The following CEP76 variants were observed in gnomAD, a reference collection of about 807,000 sequenced individuals.
The protein encoded by CEP76 is centrosomal protein of 76 kDa.
A neutral mutation model predicts 83.3 loss-of-function variants in CEP76; 55 were observed. The observed-to-expected ratio is 0.66, with a 90% CI of 0.53 to 0.83. The LOEUF (loss-of-function observed/expected upper bound fraction) is 0.83. Ranked by LOEUF, CEP76 falls within the 40% of genes least tolerant of loss-of-function variation. The pLI, the probability that CEP76 is intolerant of heterozygous loss-of-function variation, is 0.00. For missense variants in CEP76, 694 were observed against 799.5 expected (o/e 0.87, Z 1.59); for synonymous variants, 270 against 274.5 (o/e 0.98, Z 0.16).
At chr18:12,671,401 T>C (rs925302692), downstream of CEP76, among the ~76,000 whole-genome samples, 1 of 151,862 alleles carries the variant, frequency 6.6e-6, no homozygotes, top group Non-Finnish European at 1.5e-5. Context: ...AGCAACTAAA[T>C]TAAGAACTAC....
At chr18:12,697,547 G>A in intron 4 of CEP76, 139 bp from the exon 5 acceptor site, 2 of 609,180 alleles carry the variant, frequency 3.3e-6, no homozygotes, top group South Asian at 2.8e-5. Flanking sequence ...CAGAAAGCAT[G>A]CAAAAAACTG....
At chr18:12,666,748 C>T (rs1368363436) in intron 12 of CEP76, among the ~76,000 whole-genome samples, 3 of 134,928 alleles carry the variant, frequency 2.2e-5, no homozygotes, top group African/African-American at 8.4e-5. Flanking sequence ...CACACCCGGC[C>T]AAAAAAAAAA....
At chr18:12,696,933 A>G (rs887891958) in intron 5 of CEP76, among the ~76,000 whole-genome samples, 3 of 147,916 alleles carry the variant, frequency 2.0e-5, no homozygotes, top group Non-Finnish European at 2.9e-5. Flanking sequence ...TTATAGCCTT[A>G]TATTTAATCA....
At chr18:12,673,751 G>A (rs376355586) in intron 11 of CEP76, among the ~76,000 whole-genome samples, 1 of 152,010 alleles carries the variant, frequency 6.6e-6, no homozygotes, top group Non-Finnish European at 1.5e-5. Context: ...TGTGGTGGCG[G>A]GCGTCTGTAA....
rs763465512 is a variant in CEP76, at chr18:12,699,197, A to G, written c.302T>C (p.Ile101Thr). Reference protein sequence around the residue: ...DRQSTLKKTNIDPTRRYLYLQ... With the variant: ...DRQSTLKKTNTDPTRRYLYLQ... ...GTAAAGATACCTCCGTGTTGGATCAATATTAGCTGTAAAGTGTAGCAATAT... is the reference window on the plus strand; with the variant it reads ...GTAAAGATACCTCCGTGTTGGATCAGTATTAGCTGTAAAGTGTAGCAATAT... The change falls in exon 4 of 12, where the codon ATT becomes ACT. Residue 101 changes from isoleucine (I) to threonine (T), a missense_variant. Coordinates refer to ENST00000262127, the MANE Select transcript of CEP76 (RefSeq NM_024899.4). 26 of 1,609,080 alleles carry G rather than the reference A, an allele frequency of 1.6e-5. No homozygotes were observed. Among genetic ancestry groups the G allele is most frequent in the Admixed American group, 1.2e-4 (7 of 59,774 alleles).
chr18:12,680,221 C>T (rs2039295477), intron 9 of CEP76, among the ~76,000 whole-genome samples: 2 of 152,090 alleles, frequency 1.3e-5, no homozygotes, highest in South Asian at 2.1e-4. Context: ...TACATAATCA[C>T]TGAAAAGGCT....
rs1168922327 is a variant in CEP76 at position 12,702,551 on chromosome 18, T to G, written c.-3A>C. ...GCTTTCTCCGGAGGCAGCGACATGC[T>G]GGCAGCCGGCGTCTCCCCGCCGCTT... On this transcript the variant is annotated 5_prime_UTR_variant, in exon 1 of 12. Transcript: ENST00000262127. The G allele has an allele frequency of 6.3e-7, 1 of 1,589,532 alleles. No individual in the cohort carries two copies. The highest frequency in any genetic ancestry group is 8.5e-7 in the Non-Finnish European group (1 of 1,169,924).
At chr18:12,687,764 G>A (rs904443616) in intron 7 of CEP76, among the ~76,000 whole-genome samples, 4 of 151,638 alleles carry the variant, frequency 2.6e-5, no homozygotes, top group East Asian at 1.9e-4. Flanking sequence ...AGAGGGCACC[G>A]ATTTTTAAAA....
intron 10 of CEP76, 121 bp downstream of exon 10, chr18:12,677,988 G>C (rs2039204596): frequency 1.5e-6 from 1 of 687,216 alleles, no homozygotes; most frequent in African/African-American, 1.8e-5. Context: ...CATAATAGTA[G>C]GGACTGTAGT....
chr18:12,699,336 A>G, intron 3 of CEP76, 133 bp from the exon 4 acceptor site: 1 of 621,790 alleles, frequency 1.6e-6, no homozygotes, highest in Non-Finnish European at 2.8e-6. Flanking sequence ...AAGAGTAACA[A>G]ATTTATTACT....
In CEP76 at chr18:12,684,085, C is replaced by T. The variant is rs1226006128; in HGVS notation, c.1122+2177G>A. 5.3e-5 allele frequency among the ~76,000 whole-genome samples: 8 copies of T among 150,728 alleles called. No individual in the cohort carries two copies. In the South Asian group the frequency reaches 6.3e-4, roughly 12 times the overall value. The stretch of plus-strand genomic sequence containing the variant: ...TGTCGTCCAGTTTGGAGTGCAGTGG[C>T]GCGATCTCAGCTCACTGCAACCTCC... On this transcript the variant is annotated intron_variant, in intron 8 of 11. Transcript: ENST00000262127.
At chr18:12,663,696 A>C (rs1341337025) in intron 12 of CEP76, among the ~76,000 whole-genome samples, 1 of 152,206 alleles carries the variant, frequency 6.6e-6, no homozygotes, top group Non-Finnish European at 1.5e-5. Flanking sequence ...TTCAGACTGA[A>C]TCACACTTTG....
At chr18:12,676,144 A>G (rs1448796635) in intron 10 of CEP76, among the ~76,000 whole-genome samples, 1 of 152,150 alleles carries the variant, frequency 6.6e-6, no homozygotes, top group Non-Finnish European at 1.5e-5. Context: ...AAATGGTCTC[A>G]AAGATCCACG....
intron 11 of CEP76, among the ~76,000 whole-genome samples, chr18:12,673,778 G>A (rs915474736): frequency 1.4e-4 from 21 of 152,184 alleles, no homozygotes; most frequent in African/African-American, 5.1e-4. Context: ...CTACTTGGGA[G>A]GCTGAGGCAG....
At chr18:12,662,639 TG>T (rs1360627143) in intron 12 of CEP76, among the ~76,000 whole-genome samples, 3 of 152,126 alleles carry the variant, frequency 2.0e-5, no homozygotes, top group Non-Finnish European at 1.5e-5. Flanking sequence ...TAACCAGGCA[TG>T]GTGGTGCACA....
chr18:12,664,047 C>T (rs2038753934), intron 12 of CEP76, among the ~76,000 whole-genome samples: 1 of 152,184 alleles, frequency 6.6e-6, no homozygotes, highest in Non-Finnish European at 1.5e-5. Flanking sequence ...GCCTGTAATC[C>T]CAGCTACTTA....
intron 5 of CEP76, among the ~76,000 whole-genome samples, chr18:12,696,893 T>C (rs1428559018): frequency 2.6e-5 from 4 of 152,090 alleles, no homozygotes; most frequent in Admixed American, 6.6e-5. Flanking sequence ...ACACATAAGT[T>C]TGTATGTGTG....
chr18:12,669,550 CAT>C (rs1038149926), downstream of CEP76, among the ~76,000 whole-genome samples: 16 of 152,208 alleles, frequency 1.1e-4, no homozygotes, highest in African/African-American at 3.9e-4. Context: ...ACTAAATAGA[CAT>C]ATATAAAACT....
At chr18:12,691,250 A>G in intron 7 of CEP76, 109 bp downstream of exon 7, 3 of 674,870 alleles carry the variant, frequency 4.4e-6, no homozygotes, top group Non-Finnish European at 4.5e-6. Context: ...TTACAAATAC[A>G]CTTTTATTTT....
Sources: gnomAD v4.1 joint callset for allele counts (sites outside exome capture counted in the v4.1 genomes callset) on GRCh38, gnomAD v4.1.1 for gene constraint, MANE v1.5 for transcripts, NCBI Gene and HGNC (gene_info 2026-07-23, HGNC 2026-07-21) for gene names.